Variants in CAVIN4 observed in about 807,000 individuals in gnomAD.
CAVIN4 encodes caveolae-associated protein 4.
A neutral mutation model predicts 18.6 loss-of-function variants in CAVIN4; 10 were observed. That is an observed-to-expected ratio of 0.54 (90% confidence interval 0.33 to 0.91). The LOEUF (loss-of-function observed/expected upper bound fraction) is 0.91. Ranked by LOEUF, CAVIN4 falls within the 40% of genes least tolerant of loss-of-function variation. The pLI is 0.02. For missense variants in CAVIN4, 459 were observed against 440.5 expected (o/e 1.04, Z -0.38); for synonymous variants, 173 against 164.8 (o/e 1.05, Z -0.38).
Position 100,578,279 on chromosome 9 carries a change from A to G in CAVIN4, c.136A>G (p.Ser46Gly). Residue 46 changes from serine to glycine, a missense_variant, in exon 1 of 2, where the codon AGT (serine) becomes GGT (glycine). By Grantham distance (56) the Ser-to-Gly change is moderately conservative. Coordinates refer to ENST00000307584, the MANE Select transcript of CAVIN4 (RefSeq NM_001018116.2). ...VLDKVASIVD[S>G]VQASQKRIEE... ...GGACAAAGTAGCCTCCATCGTGGAC[A>G]GTGTGCAGGCAAGCCAGAAGAGAAT... The G allele has an allele frequency of 1.2e-6, 2 of 1,614,116 alleles. No individual in the cohort carries two copies. Among genetic ancestry groups the G allele is most frequent in the South Asian group, 2.2e-5 (2 of 91,074 alleles).
At chr9:100,583,593 G>A (rs1377404435) in intron 1 of CAVIN4, among the ~76,000 whole-genome samples, 2 of 151,758 alleles carry the variant, frequency 1.3e-5, no homozygotes, top group Non-Finnish European at 2.9e-5. Context: ...TCAAATCCTG[G>A]CACTACTCTC....
chr9:100,582,948 G>T (rs1331280547), intron 1 of CAVIN4, among the ~76,000 whole-genome samples: 1 of 151,922 alleles, frequency 6.6e-6, no homozygotes, highest in Non-Finnish European at 1.5e-5. Context: ...TTTTGCCACA[G>T]AAATGTTTCT....
intron 1 of CAVIN4, among the ~76,000 whole-genome samples, chr9:100,585,156 G>A (rs1839463657): frequency 6.6e-6 from 1 of 152,204 alleles, no homozygotes; most frequent in Non-Finnish European, 1.5e-5. Flanking sequence ...CATTGCGCAA[G>A]TTCAGGACTG....
chr9:100,578,548 C>T lies in CAVIN4; in HGVS notation c.405C>T (p.Phe135=). ...MKKNKFRVVI[F]QEKFRCPTSL... is the part of the protein sequence containing the mutation. ...AAAACAAATTCCGCGTGGTAATATT[C>T]CAGGTAAGCTTGCACTTGTGTTCAG... The change falls in exon 1 of 2, where the codon TTC becomes TTT. Residue 135 remains phenylalanine (F), a synonymous_variant. Transcript: ENST00000307584. 1.2e-6 allele frequency: 2 copies of T among 1,612,794 alleles called. No homozygotes were observed. Among genetic ancestry groups the T allele is most frequent in the Non-Finnish European group, 1.7e-6 (2 of 1,179,856 alleles).
intron 1 of CAVIN4, among the ~76,000 whole-genome samples, chr9:100,580,782 G>A (rs987400535): frequency 3.3e-5 from 5 of 152,174 alleles, no homozygotes; most frequent in African/African-American, 1.2e-4. Context: ...GTTCAGAGTA[G>A]CAGCAGTTCG....
In CAVIN4 at chr9:100,587,723, ACT is replaced by A. The variant is rs1315940928; in HGVS notation, c.*1275_*1276del. Reference sequence around the variant, plus strand: ...GCCTGACCAACATGGCGAAACCCTGACTCTACTGAAAATACAAAAATTAGCTG... The same window carrying A: ...GCCTGACCAACATGGCGAAACCCTGACTACTGAAAATACAAAAATTAGCTG... On this transcript the variant is annotated 3_prime_UTR_variant, in exon 2 of 2. Transcript: ENST00000307584. The A allele has an allele frequency of 2.0e-5, 3 of 152,004 alleles. No homozygotes were observed. The highest frequency in any genetic ancestry group is 7.3e-5 in the African/African-American group (3 of 41,332). 9.4% of individuals were successfully genotyped at this position (152,004 alleles called of 1,614,324 possible).
intron 1 of CAVIN4, among the ~76,000 whole-genome samples, chr9:100,584,265 C>G (rs748855203): frequency 2.0e-5 from 3 of 152,218 alleles, no homozygotes; most frequent in Non-Finnish European, 2.9e-5. Flanking sequence ...ATCTTGCCAT[C>G]TAACATGCTA....
At chr9:100,582,403 C>T (rs188435095) in intron 1 of CAVIN4, among the ~76,000 whole-genome samples, 13 of 152,176 alleles carry the variant, frequency 8.5e-5, no homozygotes, top group East Asian at 1.9e-4. Context: ...TAGAGTTCTA[C>T]GGTGCAATCA....
Position 100,585,865 on chromosome 9 carries a change from A to G in CAVIN4, c.509A>G (p.Asp170Gly), listed in dbSNP as rs746740752. The G allele has an allele frequency of 3.1e-6, 5 of 1,614,062 alleles. No individual in the cohort carries two copies. The highest frequency in any genetic ancestry group is 2.2e-5 in the South Asian group (2 of 91,092). ...DDDDIFDPPV[D>G]LSSDEEYYVE... ...GATGATATCTTTGATCCCCCAGTAG[A>G]TCTGTCTTCGGATGAAGAATATTAT... The change falls in exon 2 of 2, where the codon GAT becomes GGT. Residue 170 changes from aspartate to glycine, a missense_variant. By Grantham distance (94) the Asp-to-Gly change is moderately conservative. Transcript: ENST00000307584.
In CAVIN4 at chr9:100,578,233, T is replaced by C. The variant is rs543927414; in HGVS notation, c.90T>C (p.Ala30=). Residue 30 remains alanine (A), a synonymous_variant, in exon 1 of 2, where the codon GCT becomes GCC. Transcript: ENST00000307584. ...CAGAAGATGAAGACCAAGACGCTGCTCTTACCATTGTGACTGTGCTGGACA... is the reference window on the plus strand; with the variant it reads ...CAGAAGATGAAGACCAAGACGCTGCCCTTACCATTGTGACTGTGCTGGACA... ...SVTEDEDQDA[A]LTIVTVLDKV... The C allele has an allele frequency of 2.4e-5, 38 of 1,614,022 alleles. No individual in the cohort carries two copies. In the South Asian group the frequency reaches 3.6e-4, roughly 15 times the overall value.
chr9:100,585,887 T>C lies in CAVIN4; in HGVS notation c.531T>C (p.Tyr177=). 1 of 1,614,076 alleles carries C rather than the reference T, an allele frequency of 6.2e-7. No individual in the cohort carries two copies. The highest frequency in any genetic ancestry group is 8.5e-7 in the Non-Finnish European group (1 of 1,180,004). Residue 177 remains tyrosine (Y), a synonymous_variant, in exon 2 of 2, where the codon TAT becomes TAC. Coordinates refer to ENST00000307584, the MANE Select transcript of CAVIN4 (RefSeq NM_001018116.2). ...TAGATCTGTCTTCGGATGAAGAATATTATGTTGAAGAAAGCAGATCTGCCA... is the reference window on the plus strand; with the variant it reads ...TAGATCTGTCTTCGGATGAAGAATACTATGTTGAAGAAAGCAGATCTGCCA... ...PPVDLSSDEE[Y]YVEESRSARL...
At chr9:100,579,764 A>T (rs1036726884) in intron 1 of CAVIN4, among the ~76,000 whole-genome samples, 2 of 152,180 alleles carry the variant, frequency 1.3e-5, no homozygotes, top group Non-Finnish European at 2.9e-5. Flanking sequence ...AAGAATATAA[A>T]CTAAATGAAA....
Position 100,585,780 on chromosome 9 carries a change from C to G in CAVIN4, c.424C>G (p.Pro142Ala). 6.2e-7 allele frequency: 1 copy of G among 1,614,010 alleles called. No homozygotes were observed. The highest frequency in any genetic ancestry group is 1.1e-5 in the South Asian group (1 of 91,068). Residue 142 changes from proline (P) to alanine (A), a missense_variant, in exon 2 of 2, where the codon CCG (proline) becomes GCG (alanine). By Grantham distance (27) the Pro-to-Ala change is conservative (BLOSUM62 -1). Transcript: ENST00000307584. ...VVIFQEKFRC[P>A]TSLSVVKDRN... ...TCTCCTTCAGGAGAAGTTTCGGTGT[C>G]CGACATCCCTGTCTGTTGTTAAAGA...
chr9:100,584,936 G>T (rs1316393513), intron 1 of CAVIN4, among the ~76,000 whole-genome samples: 1 of 152,216 alleles, frequency 6.6e-6, no homozygotes, highest in East Asian at 1.9e-4. Flanking sequence ...GAGAGTGATT[G>T]TATGTTTCTG....
chr9:100,580,964 A>C (rs2118604509), intron 1 of CAVIN4: 1 of 152,352 alleles, frequency 6.6e-6, no homozygotes, highest in South Asian at 2.1e-4. Context: ...TAAGGTATAT[A>C]AATGGTTATA....
At position 100,588,377 on chromosome 9, in the gene CAVIN4, G is replaced by T. The variant is rs1200874519; in HGVS notation, c.*1926G>T. 6.6e-6 allele frequency among the ~76,000 whole-genome samples: 1 copy of T among 152,086 alleles called. No homozygotes were observed. Among genetic ancestry groups the T allele is most frequent in the Non-Finnish European group, 1.5e-5 (1 of 68,024 alleles). On this transcript the variant is annotated 3_prime_UTR_variant, in exon 2 of 2. Coordinates refer to ENST00000307584, the MANE Select transcript of CAVIN4 (RefSeq NM_001018116.2). Reference sequence around the variant, plus strand: ...TTTTCTTAAGAACCATAATAAATTTGAATTTAAGAAAATGTTATTACAACA... The same window carrying T: ...TTTTCTTAAGAACCATAATAAATTTTAATTTAAGAAAATGTTATTACAACA...
In CAVIN4 at chr9:100,588,298, AT is replaced by A. The variant is rs1284452071; in HGVS notation, c.*1851del. ...ATTGGATAACACTTTCAAATGAATA[AT>A]TTTAAAATGTTTTTATGACATTTTG... On this transcript the variant is annotated 3_prime_UTR_variant, in exon 2 of 2. Coordinates refer to ENST00000307584, the MANE Select transcript of CAVIN4 (RefSeq NM_001018116.2). Among the ~76,000 whole-genome samples the A allele has an allele frequency of 6.6e-6, 1 of 152,220 alleles. No homozygotes were observed. Among genetic ancestry groups the A allele is most frequent in the Non-Finnish European group, 1.5e-5 (1 of 68,038 alleles).
In CAVIN4 at chr9:100,583,616, TATTCATTCATTCATTCATTCATTCATTC is replaced by T. The variant is rs143666288; in HGVS notation, c.409-2133_409-2106del. Among the ~76,000 whole-genome samples the T allele has an allele frequency of 7.7e-5, 11 of 141,976 alleles. No homozygotes were observed. In the South Asian group the frequency reaches 2.4e-3, roughly 31 times the overall value. The allele number at this position is 141,976 out of a possible 152,430, so 93.1% of individuals were successfully genotyped here. On this transcript the variant is annotated intron_variant, in intron 1 of 1. Coordinates refer to ENST00000307584, the MANE Select transcript of CAVIN4 (RefSeq NM_001018116.2). ...TGGCACTACTCTCCTGCAAGCCATT[TATTCATTCATTCATTCATTCATTCATTC>T]ATTCATTCATTCATTTTTTTTAGAC...
chr9:100,581,736 C>CA (rs1839433020), intron 1 of CAVIN4, among the ~76,000 whole-genome samples: 1 of 152,270 alleles, frequency 6.6e-6, no homozygotes, highest in East Asian at 1.9e-4. Context: ...TTCTTCACAG[C>CA]AAGATTGTGT....
Sources: gnomAD v4.1 joint callset for allele counts (sites outside exome capture counted in the v4.1 genomes callset) on GRCh38, gnomAD v4.1.1 for gene constraint, MANE v1.5 for transcripts, NCBI Gene and HGNC (gene_info 2026-07-23, HGNC 2026-07-21) for gene names.